Variants in B3GALT1 observed in about 807,000 individuals in gnomAD.
The protein encoded by B3GALT1 is UDP-Gal:betaGlcNAc beta 1,3-galactosyltransferase, polypeptide 1.
Under a neutral mutation model 23.2 loss-of-function variants are expected in B3GALT1, and 10 were observed. That is an observed-to-expected ratio of 0.43 (90% CI 0.27 to 0.73). B3GALT1 has a LOEUF of 0.73. Among genes scored for constraint, B3GALT1 ranks in the 30% least tolerant of loss-of-function variants. B3GALT1 has a pLI of 0.21. For synonymous variants in B3GALT1, 156 were observed against 141.5 expected (o/e 1.10, Z -0.73); for missense variants, 299 against 405.4 (o/e 0.74, Z 2.25).
intron 2 of B3GALT1, among the ~76,000 whole-genome samples, chr2:167,586,281 A>T (rs1456196917): frequency 6.6e-6 from 1 of 152,188 alleles, no homozygotes; most frequent in Non-Finnish European, 1.5e-5. Flanking sequence ...CATTTTGCCC[A>T]ATAATGAAAA....
At position 167,392,147 on chromosome 2, in the gene B3GALT1, A is replaced by G. The variant is rs558375918; in HGVS notation, c.-510-98030A>G. Among the ~76,000 whole-genome samples the G allele has an allele frequency of 6.6e-5, 10 of 151,966 alleles. No homozygotes were observed. The South Asian group carries it at 1.5e-3, about 22-fold the overall frequency. ...TCTCCTCTTCTGCTTGAGTCCTACG[A>G]GTAAACTAGACCAGAAATATCTCTT... is the stretch of plus-strand genomic sequence containing the variant. On this transcript the variant is annotated intron_variant, in intron 1 of 4. Coordinates refer to ENST00000392690, the MANE Select transcript of B3GALT1 (RefSeq NM_020981.4).
intron 2 of B3GALT1, among the ~76,000 whole-genome samples, chr2:167,603,529 A>C (rs920558399): frequency 6.6e-6 from 1 of 152,224 alleles, no homozygotes; most frequent in Non-Finnish European, 1.5e-5. Context: ...TTACTATAGA[A>C]TGTAAAGATG....
chr2:167,806,504 C>A (rs4667981), intron 3 of B3GALT1, among the ~76,000 whole-genome samples: 1 of 151,912 alleles, frequency 6.6e-6, no homozygotes, highest in African/African-American at 2.4e-5. Context: ...CAATACCTAA[C>A]TTATTGAGAG....
intron 2 of B3GALT1, among the ~76,000 whole-genome samples, chr2:167,549,888 G>A (rs552638580): frequency 2.0e-5 from 3 of 152,136 alleles, no homozygotes; most frequent in Non-Finnish European, 4.4e-5. Context: ...AAAATACTTC[G>A]GAAATATTCT....
intron 2 of B3GALT1, among the ~76,000 whole-genome samples, chr2:167,612,609 AT>A (rs1242011311): frequency 4.0e-5 from 6 of 151,640 alleles, no homozygotes; most frequent in Non-Finnish European, 7.4e-5. Context: ...AAATTCCAAC[AT>A]TTTTTTATTT....
chr2:167,580,798 T>C (rs1684470895), intron 2 of B3GALT1, among the ~76,000 whole-genome samples: 1 of 152,132 alleles, frequency 6.6e-6, no homozygotes, highest in South Asian at 2.1e-4. Context: ...TGGTCTCCAG[T>C]GAAGATAGAG....
At chr2:167,729,031 G>A (rs1400358549) in intron 3 of B3GALT1, among the ~76,000 whole-genome samples, 2 of 152,132 alleles carry the variant, frequency 1.3e-5, no homozygotes, top group African/African-American at 4.8e-5. Flanking sequence ...ATTAAGTCAT[G>A]ATCACCTTAC....
At chr2:167,306,569 T>C (rs557509600) in intron 1 of B3GALT1, among the ~76,000 whole-genome samples, 4 of 152,154 alleles carry the variant, frequency 2.6e-5, no homozygotes, top group Non-Finnish European at 4.4e-5. Flanking sequence ...TTTTAACTTA[T>C]TTCTCACTAT....
At chr2:167,392,973 A>G (rs562912504) in intron 1 of B3GALT1, among the ~76,000 whole-genome samples, 112 of 152,230 alleles carry the variant, frequency 7.4e-4, no homozygotes, top group Non-Finnish European at 1.1e-3. Flanking sequence ...AGTGGCTCAC[A>G]CCTGTAATCC....
intron 2 of B3GALT1, among the ~76,000 whole-genome samples, chr2:167,538,410 T>C (rs1218227526): frequency 6.6e-6 from 1 of 152,222 alleles, no homozygotes; most frequent in African/African-American, 2.4e-5. Context: ...TATATCTATA[T>C]TTATGTTTTT....
At chr2:167,551,662 T>G (rs1379902349) in intron 2 of B3GALT1, among the ~76,000 whole-genome samples, 1 of 152,148 alleles carries the variant, frequency 6.6e-6, no homozygotes, top group Non-Finnish European at 1.5e-5. Context: ...TGCAGTCATC[T>G]CCAGTCTGAG....
chr2:167,821,040 T>C (rs745910817), intron 4 of B3GALT1, among the ~76,000 whole-genome samples: 2 of 152,224 alleles, frequency 1.3e-5, no homozygotes, highest in Non-Finnish European at 2.9e-5. Context: ...GATATGATAA[T>C]GCAATCCTAA....
intron 2 of B3GALT1, among the ~76,000 whole-genome samples, chr2:167,646,568 A>C (rs1685751511): frequency 6.6e-6 from 1 of 152,148 alleles, no homozygotes. Context: ...GGATCTTCTA[A>C]TGATACTTGT....
chr2:167,774,109 G>A (rs1468693658), intron 3 of B3GALT1, among the ~76,000 whole-genome samples: 1 of 152,056 alleles, frequency 6.6e-6, no homozygotes, highest in East Asian at 1.9e-4. Context: ...TTGTTAATTT[G>A]TTGAGCCATT....
intron 4 of B3GALT1, among the ~76,000 whole-genome samples, chr2:167,837,052 G>A (rs372971103): frequency 7.2e-5 from 11 of 152,110 alleles, no homozygotes; most frequent in East Asian, 1.9e-4. Context: ...AGGAACAACC[G>A]GTAACAGCTG....
At chr2:167,365,225 T>G (rs1302455824) in intron 1 of B3GALT1, among the ~76,000 whole-genome samples, 1 of 152,104 alleles carries the variant, frequency 6.6e-6, no homozygotes, top group African/African-American at 2.4e-5. Flanking sequence ...CCTCTCTTCA[T>G]AGATCAGAAA....
At chr2:167,645,973 A>T (rs1685742763) in intron 2 of B3GALT1, among the ~76,000 whole-genome samples, 1 of 152,116 alleles carries the variant, frequency 6.6e-6, no homozygotes, top group South Asian at 2.1e-4. Context: ...CTATAAATGG[A>T]AATGCAGAAG....
intron 1 of B3GALT1, among the ~76,000 whole-genome samples, chr2:167,337,308 TA>T (rs1314417765): frequency 6.6e-6 from 1 of 151,986 alleles, no homozygotes; most frequent in African/African-American, 2.4e-5. Flanking sequence ...GGAGAGAGAA[TA>T]TCCGTCTGTC....
chr2:167,442,614 T>A (rs1698912630), intron 1 of B3GALT1, among the ~76,000 whole-genome samples: 2 of 151,580 alleles, frequency 1.3e-5, no homozygotes, highest in South Asian at 4.2e-4. Context: ...TTGATTTGCA[T>A]TTCTCTGATG....
Sources: gnomAD v4.1 joint callset for allele counts (sites outside exome capture counted in the v4.1 genomes callset) on GRCh38, gnomAD v4.1.1 for gene constraint, MANE v1.5 for transcripts, NCBI Gene and HGNC (gene_info 2026-07-23, HGNC 2026-07-21) for gene names.